Variants in SAMD12 observed in about 807,000 individuals in gnomAD.
SAMD12 encodes the protein sterile alpha motif domain-containing protein 12.
Under a neutral mutation model 15.0 loss-of-function variants are expected in SAMD12, and 9 were observed. The observed-to-expected ratio is 0.60, with a 90% confidence interval of 0.36 to 1.05. The LOEUF (loss-of-function observed/expected upper bound fraction) is 1.05. Ranked by LOEUF, SAMD12 falls within the 50% of genes least tolerant of loss-of-function variation. The probability of loss-of-function intolerance (pLI) is 0.01; values close to 1 mark genes in which losing one functional copy is unlikely to be tolerated. For synonymous variants in SAMD12, 86 were observed against 90.1 expected, an observed-to-expected ratio of 0.96 and a Z score of 0.25; for missense variants, 230 against 234.2, an observed-to-expected ratio of 0.98 and a Z score of 0.12.
chr8:118,516,393 T>C (rs1825245042), intron 2 of SAMD12, among the ~76,000 whole-genome samples: 1 of 152,218 alleles, frequency 6.6e-6, no homozygotes, highest in Non-Finnish European at 1.5e-5. Context: ...AGAAGTTGTA[T>C]AATGTTTACA....
intron 4 of SAMD12, among the ~76,000 whole-genome samples, chr8:118,209,488 T>C (rs1819958219): frequency 6.6e-6 from 1 of 152,200 alleles, no homozygotes; most frequent in Non-Finnish European, 1.5e-5. Context: ...CACGTTGCTA[T>C]AAAACTGTGT....
chr8:118,465,995 G>A (rs865996120), intron 2 of SAMD12, among the ~76,000 whole-genome samples: 2 of 152,072 alleles, frequency 1.3e-5, no homozygotes, highest in Non-Finnish European at 1.5e-5. Flanking sequence ...ATCACCTAGT[G>A]GTAACTAAAA....
At chr8:118,427,481 C>T (rs1456604349) in intron 3 of SAMD12, among the ~76,000 whole-genome samples, 1 of 152,152 alleles carries the variant, frequency 6.6e-6, no homozygotes, top group African/African-American at 2.4e-5. Context: ...TCCAGGCAAC[C>T]ACTGATCTGA....
At chr8:118,343,424 G>A (rs533827684) in intron 4 of SAMD12, among the ~76,000 whole-genome samples, 35 of 152,082 alleles carry the variant, frequency 2.3e-4, no homozygotes, top group Non-Finnish European at 4.0e-4. Context: ...AAATTGACAG[G>A]GGAGTAGTAT....
At chr8:118,229,780 C>T (rs1366317867) in intron 4 of SAMD12, among the ~76,000 whole-genome samples, 1 of 152,094 alleles carries the variant, frequency 6.6e-6, no homozygotes, top group African/African-American at 2.4e-5. Flanking sequence ...CATAGAATTC[C>T]CCTATAAGAA....
exon 5 of SAMD12, chr8:118,195,764 A>G (rs1377013227): frequency 6.6e-6 from 1 of 152,370 alleles, no homozygotes; most frequent in Admixed American, 6.5e-5. Flanking sequence ...GTTGTTGCCC[A>G]AGCACAATGC....
chr8:118,209,048 C>A (rs1462617116), intron 4 of SAMD12, among the ~76,000 whole-genome samples: 1 of 152,160 alleles, frequency 6.6e-6, no homozygotes, highest in African/African-American at 2.4e-5. Context: ...TTTGAATTGG[C>A]AAAATCAAGC....
chr8:118,527,248 T>C (rs984729359), intron 2 of SAMD12, among the ~76,000 whole-genome samples: 1 of 152,232 alleles, frequency 6.6e-6, no homozygotes, highest in African/African-American at 2.4e-5. Flanking sequence ...GCCAAAGCTT[T>C]CTTTCAAAAT....
At chr8:118,561,687 A>G (rs932394744) in intron 2 of SAMD12, among the ~76,000 whole-genome samples, 4 of 152,210 alleles carry the variant, frequency 2.6e-5, no homozygotes, top group African/African-American at 9.7e-5. Flanking sequence ...CCATGATTCA[A>G]TTACCTCCCA....
intron 2 of SAMD12, among the ~76,000 whole-genome samples, chr8:118,508,770 G>T (rs565032614): frequency 3.1e-4 from 47 of 152,330 alleles, no homozygotes; most frequent in Admixed American, 1.4e-3. Context: ...GCAGTCAAAA[G>T]GGTAGGCGGA....
chr8:118,225,093 T>A (rs1479021737), intron 4 of SAMD12, among the ~76,000 whole-genome samples: 2 of 152,216 alleles, frequency 1.3e-5, no homozygotes, highest in East Asian at 3.8e-4. Flanking sequence ...CATCCTCTCC[T>A]GCCCTATGCT....
At chr8:118,203,174 G>T (rs1167411617) in intron 4 of SAMD12, among the ~76,000 whole-genome samples, 1 of 152,198 alleles carries the variant, frequency 6.6e-6, no homozygotes, top group African/African-American at 2.4e-5. Context: ...GAGAAATCAA[G>T]TAACTGTGTT....
chr8:118,610,379 G>A, intron 1 of SAMD12, among the ~76,000 whole-genome samples: 1 of 152,162 alleles, frequency 6.6e-6, no homozygotes, highest in Non-Finnish European at 1.5e-5. Context: ...AGTGAACTTT[G>A]ACAGACCGGA....
intron 3 of SAMD12, among the ~76,000 whole-genome samples, chr8:118,429,350 T>A (rs1050030202): frequency 1.2e-4 from 18 of 152,196 alleles, no homozygotes; most frequent in Admixed American, 9.2e-4. Context: ...AGATTTTAAA[T>A]TTTTGGATTT....
At chr8:118,244,439 T>C (rs1586379436) in intron 4 of SAMD12, among the ~76,000 whole-genome samples, 1 of 152,160 alleles carries the variant, frequency 6.6e-6, no homozygotes, top group African/African-American at 2.4e-5. Context: ...GGAACACTTA[T>C]ATATCTGTCT....
chr8:118,465,087 T>A (rs939445903), intron 2 of SAMD12, among the ~76,000 whole-genome samples: 1 of 152,158 alleles, frequency 6.6e-6, no homozygotes, highest in African/African-American at 2.4e-5. Context: ...AAAATTAGGA[T>A]AATCTGAAGA....
At chr8:118,472,711 A>G (rs960113351) in intron 2 of SAMD12, among the ~76,000 whole-genome samples, 29 of 152,270 alleles carry the variant, frequency 1.9e-4, no homozygotes, top group African/African-American at 7.0e-4. Context: ...GAAGAAGAGC[A>G]GGAGGGATTC....
chr8:118,307,796 C>A (rs1466386415), intron 4 of SAMD12, among the ~76,000 whole-genome samples: 1 of 107,390 alleles, frequency 9.3e-6, no homozygotes, highest in Non-Finnish European at 1.8e-5. Flanking sequence ...TAGATGCTGA[C>A]CTGTACAGAG....
chr8:118,287,346 T>C (rs921744483), intron 4 of SAMD12, among the ~76,000 whole-genome samples: 28 of 150,624 alleles, frequency 1.9e-4, no homozygotes, highest in Admixed American at 3.3e-4. Context: ...AGGATGGTCT[T>C]GATCTCCTGA....
Sources: gnomAD v4.1 joint callset for allele counts (sites outside exome capture counted in the v4.1 genomes callset) on GRCh38, gnomAD v4.1.1 for gene constraint, MANE v1.5 for transcripts, NCBI Gene and HGNC (gene_info 2026-07-23, HGNC 2026-07-21) for gene names.